Variants in DIAPH2 observed in about 807,000 individuals in gnomAD.
The protein encoded by DIAPH2 is diaphanous related formin 2.
DIAPH2 carries 35 observed loss-of-function variants against 92.7 expected under a neutral mutation model. The observed-to-expected ratio is 0.38, with a 90% confidence interval of 0.29 to 0.50. The LOEUF is 0.50. Ranked by LOEUF, DIAPH2 falls within the 20% of genes least tolerant of loss-of-function variation. The pLI, the probability that DIAPH2 is intolerant of heterozygous loss-of-function variation, is 0.94. For missense variants in DIAPH2, 701 were observed against 819.5 expected (o/e 0.86, Z 1.77); for synonymous variants, 301 against 280.4 (o/e 1.07, Z -0.73).
intron 26 of DIAPH2, among the ~76,000 whole-genome samples, chrX:97,439,506 G>A (rs1464629880): frequency 3.6e-5 from 4 of 109,759 alleles, no homozygotes. Context: ...GGAGGCAGAG[G>A]TTGCAGTGAG....
At chrX:97,334,289 C>T (rs1488536471) in intron 23 of DIAPH2, among the ~76,000 whole-genome samples, 2 of 88,674 alleles carry the variant, frequency 2.3e-5, no homozygotes, top group Non-Finnish European at 4.6e-5. Context: ...GGTGAAACCT[C>T]GTCTCTACTA....
At chrX:96,882,976 A>AC (rs1416793641) in intron 5 of DIAPH2, among the ~76,000 whole-genome samples, 1,008 of 51,937 alleles carry the variant, frequency 0.019, 24 homozygotes, top group African/African-American at 0.039. Flanking sequence ...AAAAAAAAAA[A>AC]AAAAAAACAA....
chrX:96,914,861 A>C (rs781117037), intron 7 of DIAPH2, among the ~76,000 whole-genome samples: 1 of 111,786 alleles, frequency 8.9e-6, no homozygotes, highest in East Asian at 2.8e-4. Context: ...CATGTGAAAC[A>C]ATAGGCATAA....
intron 23 of DIAPH2, among the ~76,000 whole-genome samples, chrX:97,314,237 T>C (rs1490827627): frequency 9.9e-6 from 1 of 100,728 alleles, no homozygotes; most frequent in Non-Finnish European, 2.0e-5. Context: ...AGTGAAACCC[T>C]GTCTCTACAA....
At chrX:97,168,259 T>G (rs1489310204) in intron 22 of DIAPH2, among the ~76,000 whole-genome samples, 1 of 109,587 alleles carries the variant, frequency 9.1e-6, no homozygotes, top group Non-Finnish European at 1.9e-5. Flanking sequence ...CTAATTTTTT[T>G]GTATTTTTAG....
chrX:97,093,390 A>G (rs909860663), intron 19 of DIAPH2, among the ~76,000 whole-genome samples: 1 of 111,142 alleles, frequency 9.0e-6, no homozygotes, highest in African/African-American at 3.3e-5. Context: ...TTCAAGCTAT[A>G]AACTGTCTTC....
intron 25 of DIAPH2, among the ~76,000 whole-genome samples, chrX:97,397,299 A>G (rs1240123165): frequency 8.9e-6 from 1 of 111,987 alleles, no homozygotes; most frequent in Non-Finnish European, 1.9e-5. Flanking sequence ...GCAATTAACT[A>G]TGGATGGCAT....
chrX:96,862,769 G>A (rs1473601428), intron 4 of DIAPH2, among the ~76,000 whole-genome samples: 1 of 111,921 alleles, frequency 8.9e-6, no homozygotes, highest in East Asian at 2.8e-4. Context: ...ACCAGTCAGA[G>A]TTCTCTTCTT....
chrX:97,082,687 C>G (rs928262471), intron 19 of DIAPH2, among the ~76,000 whole-genome samples: 3 of 111,082 alleles, frequency 2.7e-5, no homozygotes, highest in Non-Finnish European at 5.7e-5. Context: ...GGTAAGTGGC[C>G]TCTTTTTCCT....
At chrX:97,089,761 T>A (rs1286137012) in intron 19 of DIAPH2, among the ~76,000 whole-genome samples, 1 of 110,482 alleles carries the variant, frequency 9.1e-6, no homozygotes, top group Non-Finnish European at 1.9e-5. Flanking sequence ...AGAGTCTTGC[T>A]CTGTTGCCCA....
At chrX:97,276,690 C>T in intron 23 of DIAPH2, among the ~76,000 whole-genome samples, 2 of 112,422 alleles carry the variant, frequency 1.8e-5, no homozygotes, top group Middle Eastern at 9.1e-3. Flanking sequence ...ACATACTTAT[C>T]TCCTCCAGAG....
intron 4 of DIAPH2, among the ~76,000 whole-genome samples, chrX:96,810,874 C>T (rs2064673862): frequency 1.8e-5 from 2 of 111,580 alleles, no homozygotes; most frequent in Non-Finnish European, 3.8e-5. Context: ...TTCCACTGGT[C>T]TGTTTCTCTG....
chrX:97,364,508 T>G (rs2147709379), intron 24 of DIAPH2, among the ~76,000 whole-genome samples: 1 of 112,257 alleles, frequency 8.9e-6, no homozygotes, highest in African/African-American at 3.2e-5. Flanking sequence ...TAGCAGGATG[T>G]CTACAGGGGG....
At chrX:97,160,143 G>A (rs1252522511) in intron 22 of DIAPH2, among the ~76,000 whole-genome samples, 1 of 111,308 alleles carries the variant, frequency 9.0e-6, no homozygotes, top group Non-Finnish European at 1.9e-5. Context: ...GTGATCAGTG[G>A]GGGCAGGGAG....
intron 4 of DIAPH2, among the ~76,000 whole-genome samples, chrX:96,849,465 C>T (rs898475890): frequency 8.0e-5 from 9 of 111,942 alleles, no homozygotes; most frequent in African/African-American, 2.6e-4. Context: ...TGTGCCTGGC[C>T]GAGCATTATT....
chrX:97,255,886 C>G (rs2068232215), intron 23 of DIAPH2, among the ~76,000 whole-genome samples: 1 of 111,867 alleles, frequency 8.9e-6, no homozygotes, highest in Non-Finnish European at 1.9e-5. Flanking sequence ...CCTGAAATTA[C>G]GTACACTATG....
At chrX:97,266,923 A>G (rs181152798) in intron 23 of DIAPH2, among the ~76,000 whole-genome samples, 2 of 111,478 alleles carry the variant, frequency 1.8e-5, no homozygotes, top group East Asian at 5.6e-4. Context: ...ATTTTTGTTT[A>G]TTTTCTGAAG....
intron 26 of DIAPH2, among the ~76,000 whole-genome samples, chrX:97,515,384 G>A (rs759425440): frequency 3.6e-5 from 4 of 112,170 alleles, no homozygotes; most frequent in African/African-American, 9.7e-5. Flanking sequence ...CACGGTGCGC[G>A]CACCCACTGT....
intron 25 of DIAPH2, among the ~76,000 whole-genome samples, chrX:97,423,842 GT>G (rs1035680984): frequency 5.4e-5 from 6 of 111,438 alleles, no homozygotes; most frequent in African/African-American, 2.0e-4. Context: ...GTTCAATAAA[GT>G]TTTTGTCTTT....
Sources: gnomAD v4.1 joint callset for allele counts (sites outside exome capture counted in the v4.1 genomes callset) on GRCh38, gnomAD v4.1.1 for gene constraint, MANE v1.5 for transcripts, NCBI Gene and HGNC (gene_info 2026-07-23, HGNC 2026-07-21) for gene names.